Variants in CACNA1A observed in about 807,000 individuals in gnomAD.
The protein encoded by CACNA1A is calcium voltage-gated channel subunit alpha1 A, also known as voltage-dependent P/Q-type calcium channel subunit alpha-1A.
CACNA1A carries 57 observed loss-of-function variants against 262.4 expected under a neutral mutation model. The ratio of observed to expected loss-of-function variants is 0.22; its 90% CI spans 0.18 to 0.27. CACNA1A has a LOEUF of 0.27. Ranked by LOEUF, CACNA1A falls within the 10% of genes least tolerant of loss-of-function variation. CACNA1A has a pLI of 1.00. For missense variants in CACNA1A, 2,526 were observed against 3,562.8 expected, an observed-to-expected ratio of 0.71 and a Z score of 7.41; for synonymous variants, 1,431 against 1,419.3, an observed-to-expected ratio of 1.01 and a Z score of -0.18.
At position 13,298,800 on chromosome 19, in the gene CACNA1A, C is replaced by G. The variant is rs527593196; in HGVS notation, c.2833G>C (p.Gly945Arg). ...CCGTCCGCGCCCGTGCGCGGGGACC[C>G]GCTGCGGCTCTCCCTGCTGCCCCCC... is the stretch of plus-strand genomic sequence containing the variant. ...RQGGSRESRS[G>R]SPRTGADGEH... Residue 945 changes from glycine (G) to arginine (R), a missense_variant, in exon 19 of 47, where the codon GGG becomes CGG. Physicochemically the swap from Gly to Arg is moderately radical, Grantham distance 125. Around this residue, in one of 17 missense-constraint regions of CACNA1A, gnomAD observed 765 missense variants for 748.6 expected, o/e 1.02. Coordinates refer to ENST00000360228, the MANE Select transcript of CACNA1A (RefSeq NM_001127222.2). The G allele has an allele frequency of 1.9e-6, 3 of 1,553,474 alleles. No individual in the cohort carries two copies. The highest frequency in any genetic ancestry group is 2.6e-6 in the Non-Finnish European group (3 of 1,160,918).
At chr19:13,282,138 C>T (rs1299338720) in intron 22 of CACNA1A, among the ~76,000 whole-genome samples, 1 of 152,194 alleles carries the variant, frequency 6.6e-6, no homozygotes. Flanking sequence ...TATTTCCTTC[C>T]ATCTCCCCCA....
intron 38 of CACNA1A, among the ~76,000 whole-genome samples, chr19:13,224,362 C>T (rs1161950063): frequency 1.3e-5 from 2 of 151,548 alleles, no homozygotes; most frequent in African/African-American, 2.4e-5. Flanking sequence ...TGGTGTGTGC[C>T]TGTAGTCCCA....
chr19:13,426,427 T>A (rs976143695), intron 3 of CACNA1A, among the ~76,000 whole-genome samples: 1 of 152,178 alleles, frequency 6.6e-6, no homozygotes, highest in African/African-American at 2.4e-5. Flanking sequence ...GGGCTGCTAC[T>A]GGCATTTAGT....
In CACNA1A at chr19:13,334,557, GTGTT is replaced by G. The variant is rs199586393; in HGVS notation, c.1083-68_1083-65del. On this transcript the variant is annotated intron_variant, in intron 7 of 46. Transcript: ENST00000360228. ...AAAATGTTAGGAAACGTTTGTGTGTGTGTTTGTGTGTGTGTGTGTGTGTGTGTGT... is the reference window on the plus strand; with the variant it reads ...AAAATGTTAGGAAACGTTTGTGTGTGTGTGTGTGTGTGTGTGTGTGTGTGT... 144,927 of 508,292 alleles carry G rather than the reference GTGTT, an allele frequency of 0.29. 12,966 individuals carry two copies. The highest frequency in any genetic ancestry group is 0.31 in the Admixed American group (10,290 of 32,904). 31.5% of individuals were successfully genotyped at this position (508,292 alleles called of 1,614,324 possible).
intron 3 of CACNA1A, among the ~76,000 whole-genome samples, chr19:13,389,662 T>C (rs577224913): frequency 3.3e-5 from 5 of 152,316 alleles, no homozygotes; most frequent in Admixed American, 6.5e-5. Flanking sequence ...TACCATGTCA[T>C]AGGCTGATTA....
Position 13,214,763 on chromosome 19 carries a change from C to G in CACNA1A, c.5732-155G>C. On this transcript the variant is annotated intron_variant, in intron 38 of 46. Coordinates refer to ENST00000360228, the MANE Select transcript of CACNA1A (RefSeq NM_001127222.2). This position sits in a 1 kb window ranked among gnomAD's most constrained non-coding sequence, Gnocchi z 4.1. ...CCCAACGGCCTGGCCCAGAGGAGGCCCTGGGCAGTGCTGCTGGAATGACCT... is the reference window on the plus strand; with the variant it reads ...CCCAACGGCCTGGCCCAGAGGAGGCGCTGGGCAGTGCTGCTGGAATGACCT... The G allele has an allele frequency of 1.6e-6, 1 of 638,252 alleles. No individual in the cohort carries two copies. The highest frequency in any genetic ancestry group is 2.8e-6 in the Non-Finnish European group (1 of 359,920). The allele number at this position is 638,252 out of a possible 1,614,324, so 39.5% of individuals were successfully genotyped here.
chr19:13,228,603 GAGATATAT>G (rs774344767), intron 36 of CACNA1A: 41 of 221,004 alleles, frequency 1.9e-4, no homozygotes, highest in Non-Finnish European at 2.5e-4. Context: ...GAGAGAGAGA[GAGATATAT>G]ATATATATAT....
At chr19:13,261,802 C>A in intron 25 of CACNA1A, 192 bp from the exon 26 acceptor site, 1 of 569,066 alleles carries the variant, frequency 1.8e-6, no homozygotes. Flanking sequence ...TCAATCCTGG[C>A]ATTCTATGGA....
chr19:13,239,202 T>A (rs868621075), intron 31 of CACNA1A, among the ~76,000 whole-genome samples: 2 of 150,732 alleles, frequency 1.3e-5, no homozygotes, highest in Non-Finnish European at 2.9e-5. Flanking sequence ...CAGCCCCGGG[T>A]CCTGTCCCCT....
chr19:13,468,502 G>T (rs1316724168), intron 1 of CACNA1A, among the ~76,000 whole-genome samples: 1 of 152,104 alleles, frequency 6.6e-6, no homozygotes, highest in Non-Finnish European at 1.5e-5. Flanking sequence ...ACTTAAACCT[G>T]GAGGTCAGGC....
intron 6 of CACNA1A, among the ~76,000 whole-genome samples, chr19:13,357,422 C>T (rs757121046): frequency 2.6e-5 from 4 of 152,176 alleles, no homozygotes; most frequent in Admixed American, 6.5e-5. Flanking sequence ...TCAGGCCAAC[C>T]GCTGGCCTAA....
In CACNA1A at chr19:13,286,670, C is replaced by T; in HGVS notation, c.3386G>A (p.Gly1129Glu). 1 of 1,563,360 alleles carries T rather than the reference C, an allele frequency of 6.4e-7. No homozygotes were observed. Among genetic ancestry groups the T allele is most frequent in the South Asian group, 1.2e-5 (1 of 82,386 alleles). ...GGGGGGGCCGGGATTGGATGGGTTC[C>T]CCGGGTTGTTGGGCGTCCGGCGGCT... Reference protein sequence around the residue: ...AASRRTPNNPGNPSNPGPPKT... With the variant: ...AASRRTPNNPENPSNPGPPKT... Residue 1129 changes from glycine to glutamate, a missense_variant, in exon 20 of 47, where the codon GGG (glycine) becomes GAG (glutamate). Gly to Glu is a moderately conservative substitution (Grantham distance 98). Around this residue, in one of 17 missense-constraint regions of CACNA1A, gnomAD observed 765 missense variants for 748.6 expected, o/e 1.02. Transcript: ENST00000360228.
At chr19:13,318,597 T>C (rs897187599) in intron 10 of CACNA1A, among the ~76,000 whole-genome samples, 1 of 152,064 alleles carries the variant, frequency 6.6e-6, no homozygotes, top group Non-Finnish European at 1.5e-5. Context: ...TGGAGGTGAC[T>C]GAACCCATCC....
At chr19:13,311,653 C>T (rs1287482056) in intron 12 of CACNA1A, among the ~76,000 whole-genome samples, 6 of 151,998 alleles carry the variant, frequency 3.9e-5, no homozygotes, top group South Asian at 2.1e-4. Flanking sequence ...CTGGCTAACA[C>T]GGTGAAACCC....
chr19:13,464,912 T>A (rs1288809468), intron 1 of CACNA1A, among the ~76,000 whole-genome samples: 1 of 151,582 alleles, frequency 6.6e-6, no homozygotes, highest in East Asian at 1.9e-4. Flanking sequence ...TTCTTTTGGT[T>A]TCTTTTCTTT....
chr19:13,217,413 A>G (rs1394292417), intron 38 of CACNA1A, among the ~76,000 whole-genome samples: 1 of 152,166 alleles, frequency 6.6e-6, no homozygotes, highest in Non-Finnish European at 1.5e-5. Context: ...AAGTGAGCTG[A>G]ACTATGAAAA....
chr19:13,497,671 A>C (rs1981856733), intron 1 of CACNA1A, among the ~76,000 whole-genome samples: 1 of 145,982 alleles, frequency 6.9e-6, no homozygotes, highest in South Asian at 2.3e-4. Flanking sequence ...TGAGCCTAGG[A>C]GGTCGAGGCT....
intron 3 of CACNA1A, among the ~76,000 whole-genome samples, chr19:13,386,816 G>A (rs1336018504): frequency 2.0e-5 from 3 of 151,924 alleles, no homozygotes; most frequent in Non-Finnish European, 1.5e-5. Flanking sequence ...AAGAACTGAC[G>A]CAGTCGTCTT....
chr19:13,316,985 G>C, intron 11 of CACNA1A, 127 bp downstream of exon 11: 1 of 630,242 alleles, frequency 1.6e-6, no homozygotes, highest in Non-Finnish European at 2.8e-6. Context: ...TATAGAAATG[G>C]CTAAAGGAAA....
Sources: allele counts gnomAD v4.1 joint callset (sites outside exome capture counted in the v4.1 genomes callset), GRCh38; gene constraint gnomAD v4.1.1; regional missense constraint gnomAD v4.1.1; non-coding constraint Gnocchi (gnomAD v3.1); transcripts MANE v1.5; gene names NCBI Gene and HGNC (gene_info 2026-07-23, HGNC 2026-07-21).